The following CPSF1 variants were observed in gnomAD, a reference collection of about 807,000 sequenced individuals.
The protein encoded by CPSF1 is cleavage and polyadenylation specificity factor subunit 1.
In CPSF1, 106 loss-of-function variants were observed where a neutral mutation model predicts 175.8. The ratio of observed to expected loss-of-function variants is 0.60; its 90% CI spans 0.52 to 0.71. The LOEUF is 0.71. CPSF1 is among the 30% of genes least tolerant of loss of function. The probability of loss-of-function intolerance (pLI) is 0.00; values close to 1 mark genes in which losing one functional copy is unlikely to be tolerated. For missense variants in CPSF1, 1,734 were observed against 2,022.9 expected (o/e 0.86, Z 2.74); for synonymous variants, 1,024 against 858.3 (o/e 1.19, Z -3.37).
Position 144,395,281 on chromosome 8 carries a change from A to C in CPSF1, c.3171T>G (p.Phe1057Leu). The C allele has an allele frequency of 6.2e-7, 1 of 1,613,168 alleles. No individual in the cohort carries two copies. Among genetic ancestry groups the C allele is most frequent in the Non-Finnish European group, 8.5e-7 (1 of 1,179,924 alleles). The change falls in exon 28 of 38, where the codon TTT becomes TTG. Residue 1057 changes from phenylalanine to leucine, a missense_variant. Around this residue, in one of 10 missense-constraint regions of CPSF1, gnomAD observed 585 missense variants for 584.7 expected, o/e 1.00. Coordinates refer to ENST00000616140, the MANE Select transcript of CPSF1 (RefSeq NM_013291.3). The part of the protein sequence containing the change: ...IPRMTGEEKE[F>L]ETIERDERYI... ...CGTCACCACCTCTCTCGATGGTCTCAAACTCCTTCTCCTCGCCAGTCATGC... is the reference window on the plus strand; with the variant it reads ...CGTCACCACCTCTCTCGATGGTCTCCAACTCCTTCTCCTCGCCAGTCATGC...
At chr8:144,400,132 CG>C (rs2116870961) in intron 9 of CPSF1, 33 bp downstream of exon 9, 57,235 of 1,030,558 alleles carry the variant, frequency 0.056, 1,277 homozygotes, top group African/African-American at 0.1. Flanking sequence ...AAGCCGTCCC[CG>C]GGCCCCCCCC....
At chr8:144,408,335 G>C (rs1318972428) in intron 2 of CPSF1, among the ~76,000 whole-genome samples, 1 of 152,072 alleles carries the variant, frequency 6.6e-6, no homozygotes, top group Non-Finnish European at 1.5e-5. Flanking sequence ...TGGGTAAGAG[G>C]TACTCCTCCC....
chr8:144,393,389 G>A (rs782051426), intron 37 of CPSF1, 24 bp from the exon 38 acceptor site: 1 of 643,872 alleles, frequency 1.6e-6, no homozygotes, highest in African/African-American at 2.0e-5. Context: ...AAGGGTGGGT[G>A]GGTGGGTGGG....
intron 2 of CPSF1, among the ~76,000 whole-genome samples, chr8:144,408,719 G>C (rs2116911705): frequency 7.9e-5 from 12 of 152,224 alleles, no homozygotes; most frequent in African/African-American, 2.9e-4. Flanking sequence ...CTGCTACCCA[G>C]CGCACAGTGG....
rs2116912620 is a variant in CPSF1 at position 144,408,996 on chromosome 8, C to T, written c.144+19G>A. ...CCCACGTCGCGGACAGCCGGGAGGG[C>T]TCCCAGGGCCCGACCTACCTCGGCG... On this transcript the variant is annotated intron_variant, in intron 2 of 37. Transcript: ENST00000616140. The T allele has an allele frequency of 6.2e-7, 1 of 1,609,800 alleles. No homozygotes were observed. The highest frequency in any genetic ancestry group is 1.7e-5 in the Admixed American group (1 of 59,424).
rs2116878621 is a variant in CPSF1 at position 144,400,819 on chromosome 8, TG to T, written c.540-3del. On this transcript the variant is annotated splice_polypyrimidine_tract_variant and splice_region_variant and intron_variant, in intron 6 of 37. Transcript: ENST00000616140. The stretch of plus-strand genomic sequence containing the variant: ...CTGGGCAGGAAGCTGGACCTCTGCC[TG>T]GGGGGCCAGGGGCTTCAGCAGGAGA... 1.9e-6 allele frequency: 3 copies of T among 1,613,188 alleles called. No individual in the cohort carries two copies. Among genetic ancestry groups the T allele is most frequent in the East Asian group, 2.2e-5 (1 of 44,886 alleles).
chr8:144,405,244 C>T (rs1444157519), intron 2 of CPSF1, among the ~76,000 whole-genome samples: 2 of 152,182 alleles, frequency 1.3e-5, no homozygotes, highest in Non-Finnish European at 2.9e-5. Context: ...CAAAGGCCTC[C>T]GCCGCCTCCT....
In CPSF1 at chr8:144,398,408, G is replaced by T; in HGVS notation, c.1788C>A (p.Asp596Glu). Reference protein sequence around the residue: ...LQTGQEIMELDTSGFATQGPT... With the variant: ...LQTGQEIMELETSGFATQGPT... ...GGCCCTGAGTGGCGAAGCCACTGGTGTCCAGCTCCATGATCTCCTGCCCCG... is the reference window on the plus strand; with the variant it reads ...GGCCCTGAGTGGCGAAGCCACTGGTTTCCAGCTCCATGATCTCCTGCCCCG... The change falls in exon 19 of 38, where the codon GAC (aspartate) becomes GAA (glutamate). Residue 596 changes from aspartate to glutamate, a missense_variant. Transcript: ENST00000616140. The T allele has an allele frequency of 1.9e-6, 3 of 1,613,732 alleles. No homozygotes were observed. The South Asian group carries it at 3.3e-5, about 18-fold the overall frequency.
Position 144,395,271 on chromosome 8 carries a change from C to G in CPSF1, c.3181G>C (p.Glu1061Gln). The G allele has an allele frequency of 6.2e-7, 1 of 1,613,014 alleles. No individual in the cohort carries two copies. The highest frequency in any genetic ancestry group is 8.5e-7 in the Non-Finnish European group (1 of 1,179,908). Residue 1061 changes from glutamate (E) to glutamine (Q), a missense_variant, in exon 28 of 38, where the codon GAG (glutamate) becomes CAG (glutamine). By Grantham distance (29) the Glu-to-Gln change is conservative (BLOSUM62 2). Around this residue, in one of 10 missense-constraint regions of CPSF1, gnomAD observed 585 missense variants for 584.7 expected, o/e 1.00. Coordinates refer to ENST00000616140, the MANE Select transcript of CPSF1 (RefSeq NM_013291.3). The stretch of plus-strand genomic sequence containing the variant: ...ATGGTGTGGGCGTCACCACCTCTCT[C>G]GATGGTCTCAAACTCCTTCTCCTCG... The part of the protein sequence containing the change: ...TGEEKEFETI[E>Q]RDERYIHPQQ...
rs1820603625 is a variant in CPSF1, at chr8:144,394,763, C to T, written c.3448G>A (p.Glu1150Lys). ...TTCTTGGTCAAGGGCTGGCCAGGCT[C>T]GGGCACCACCTCAATCACATCCATG... ...LIMDVIEVVP[E>K]PGQPLTKNKF... Residue 1150 changes from glutamate (E) to lysine (K), a missense_variant, in exon 31 of 38, where the codon GAG becomes AAG. Glu to Lys is a moderately conservative substitution (Grantham distance 56, BLOSUM62 1). Transcript: ENST00000616140. 3.1e-6 allele frequency: 5 copies of T among 1,613,596 alleles called. No individual in the cohort carries two copies. The highest frequency in any genetic ancestry group is 3.4e-6 in the Non-Finnish European group (4 of 1,179,960).
At position 144,394,364 on chromosome 8, in the gene CPSF1, C is replaced by T; in HGVS notation, c.3744+15G>A. ...GGTACCCACCCAGACACGAGCACCG[C>T]CGCCACAGGTGTACCCGCGACACCA... On this transcript the variant is annotated intron_variant, in intron 32 of 37. Transcript: ENST00000616140. The T allele has an allele frequency of 6.3e-7, 1 of 1,594,542 alleles. No individual in the cohort carries two copies. Among genetic ancestry groups the T allele is most frequent in the East Asian group, 2.2e-5 (1 of 44,450 alleles).
In CPSF1 at chr8:144,399,164, A is replaced by T. The variant is rs2116859713; in HGVS notation, c.1431T>A (p.Asn477Lys). 22 of 1,599,768 alleles carry T rather than the reference A, an allele frequency of 1.4e-5. 1 individual carries two copies. In the Middle Eastern group the frequency reaches 5.0e-4, roughly 36 times the overall value. ...GGAAGGCAGGCTCGCCCACGGCGGC[A>T]TTGGCACAGGGTCCAATGTTCAGGA... is the stretch of plus-strand genomic sequence containing the variant. ...DSILNIGPCA[N>K]AAVGEPAFLS... is the part of the protein sequence containing the mutation. Residue 477 changes from asparagine to lysine, a missense_variant, in exon 15 of 38, where the codon AAT becomes AAA. Asn to Lys is a moderately conservative substitution (Grantham distance 94, BLOSUM62 0). Transcript: ENST00000616140. The surrounding 1 kb of genome is among the most constrained non-coding windows in gnomAD (Gnocchi z 6.4).
Position 144,393,362 on chromosome 8 carries a change from G to T in CPSF1, c.4288C>A (p.Leu1430Met), listed in dbSNP as rs1554861940. 3 of 1,502,024 alleles carry T rather than the reference G, an allele frequency of 2.0e-6. No homozygotes were observed. The African/African-American group carries it at 4.2e-5, about 21-fold the overall frequency. 93.0% of individuals were successfully genotyped at this position (1,502,024 alleles called of 1,614,324 possible). A position where few individuals can be genotyped will look rare whatever the true frequency, so the allele number is the denominator to read the frequency against. Residue 1430 changes from leucine to methionine, a missense_variant, in exon 38 of 38, where the codon CTG (leucine) becomes ATG (methionine). Around this residue, in one of 10 missense-constraint regions of CPSF1, gnomAD observed 323 missense variants for 338.5 expected, o/e 0.95. Transcript: ENST00000616140. Reference sequence around the variant, plus strand: ...CGGTCCGTCTCCAGCAAGTCGTCCAGGATCTGCAGGGGATGGAAGGGTGGG... The same window carrying T: ...CGGTCCGTCTCCAGCAAGTCGTCCATGATCTGCAGGGGATGGAAGGGTGGG... ...KKIGTTPDIILDDLLETDRVT... is the reference protein window; with the variant it reads ...KKIGTTPDIIMDDLLETDRVT...
In CPSF1 at chr8:144,402,135, C is replaced by T. The variant is rs200792959; in HGVS notation, c.145-462G>A. 3.4e-5 allele frequency among the ~76,000 whole-genome samples: 5 copies of T among 146,618 alleles called. No homozygotes were observed. The East Asian group carries it at 5.9e-4, about 17-fold the overall frequency. On this transcript the variant is annotated intron_variant, in intron 2 of 37. Coordinates refer to ENST00000616140, the MANE Select transcript of CPSF1 (RefSeq NM_013291.3). ...AAGAGGAAGCCCTGCGCTATCCTGA[C>T]GCCTCGGGCTCCCCCAGGCTGCCTC...
chr8:144,397,546 G>C lies in CPSF1; in HGVS notation c.2326C>G (p.Pro776Ala). 6.4e-7 allele frequency: 1 copy of C among 1,564,102 alleles called. No individual in the cohort carries two copies. Among genetic ancestry groups the C allele is most frequent in the Non-Finnish European group, 8.7e-7 (1 of 1,149,222 alleles). The change falls in exon 22 of 38, where the codon CCC (proline) becomes GCC (alanine). Residue 776 changes from proline (P) to alanine (A), a missense_variant. Physicochemically the swap from Pro to Ala is conservative, Grantham distance 27. Coordinates refer to ENST00000616140, the MANE Select transcript of CPSF1 (RefSeq NM_013291.3). ...CAGTGGGTAGGCTCTGCCCGGAAGGGTGCAGGGTCCCGGTCAGCAGGGGGC... is the reference window on the plus strand; with the variant it reads ...CAGTGGGTAGGCTCTGCCCGGAAGGCTGCAGGGTCCCGGTCAGCAGGGGGC... Reference protein sequence around the residue: ...SQPPADRDPAPFRAEPTHWCL... With the variant: ...SQPPADRDPAAFRAEPTHWCL...
Position 144,393,924 on chromosome 8 carries a change from TTGCTGAGCCCTTC to T in CPSF1, c.3961_3973del (p.Glu1321LysfsTer36). 1 of 1,613,466 alleles carries T rather than the reference TTGCTGAGCCCTTC, an allele frequency of 6.2e-7. No homozygotes were observed. Among genetic ancestry groups the T allele is most frequent in the Non-Finnish European group, 8.5e-7 (1 of 1,179,766 alleles). On this transcript the variant is annotated frameshift_variant, in exon 35 of 38. Transcript: ENST00000616140. LOFTEE classifies it high-confidence loss of function. ...CTTATTCTCCCACACGACCGACTTT[TTGCTGAGCCCTTC>T]AGTGGCCCCCCGGCACGGGGTCCTC... is the stretch of plus-strand genomic sequence containing the variant.
chr8:144,394,072 C>G, intron 34 of CPSF1, 34 bp from the exon 35 acceptor site: 1 of 1,610,868 alleles, frequency 6.2e-7, no homozygotes, highest in South Asian at 1.1e-5. Context: ...CACTGCTAGC[C>G]CAGCCCCGGC....
chr8:144,400,135 G>GCCCCCCCCCCCCCCC (rs1491238659), intron 9 of CPSF1, 31 bp downstream of exon 9: 526 of 895,646 alleles, frequency 5.9e-4, no homozygotes, highest in Non-Finnish European at 7.3e-4. Flanking sequence ...CCGTCCCCGG[G>GCCCCCCCCCCCCCCC]CCCCCCCCGC....
chr8:144,402,945 G>A (rs1357271233), intron 2 of CPSF1, among the ~76,000 whole-genome samples: 2 of 152,066 alleles, frequency 1.3e-5, no homozygotes, highest in African/African-American at 2.4e-5. Context: ...TTCCAGGAAC[G>A]CAAAACTAGA....
Sources: gnomAD v4.1 joint callset for allele counts (sites outside exome capture counted in the v4.1 genomes callset) on GRCh38, gnomAD v4.1.1 for gene constraint, gnomAD v4.1.1 regional missense constraint, Gnocchi (gnomAD v3.1) non-coding constraint, MANE v1.5 for transcripts, NCBI Gene and HGNC (gene_info 2026-07-23, HGNC 2026-07-21) for gene names.